RBFOX1: variants seen among roughly 807,000 people sequenced by gnomAD.
The protein encoded by RBFOX1 is RNA binding fox-1 homolog 1.
RBFOX1 carries 8 observed loss-of-function variants against 57.7 expected under a neutral mutation model. The ratio of observed to expected loss-of-function variants is 0.14; its 90% CI spans 0.08 to 0.25. The LOEUF (loss-of-function observed/expected upper bound fraction) is 0.25, where lower values mean the gene tolerates loss of function less well. Among genes scored for constraint, RBFOX1 ranks in the 10% least tolerant of loss-of-function variants. The pLI is 1.00. For missense variants in RBFOX1, 611 were observed against 548.5 expected, an observed-to-expected ratio of 1.11 and a Z score of -1.14; for synonymous variants, 326 against 222.4, an observed-to-expected ratio of 1.47 and a Z score of -4.15.
chr16:6,216,211 C>T (rs910916459), intron 1 of RBFOX1, among the ~76,000 whole-genome samples: 2 of 151,996 alleles, frequency 1.3e-5, no homozygotes, highest in Non-Finnish European at 2.9e-5. Context: ...CTGAAATAAT[C>T]TGAACAACAA....
At chr16:6,527,882 A>T (rs1475542700) in intron 2 of RBFOX1, among the ~76,000 whole-genome samples, 1 of 152,078 alleles carries the variant, frequency 6.6e-6, no homozygotes, top group African/African-American at 2.4e-5. Context: ...CAAAAGAGTG[A>T]CCACACCCCT....
rs373671634 is a variant in RBFOX1 at position 6,824,862 on chromosome 16, C to T, written c.-16+170212C>T. Among the ~76,000 whole-genome samples the T allele has an allele frequency of 6.6e-4, 100 of 150,962 alleles. 1 individual carries two copies. The highest frequency in any genetic ancestry group is 2.4e-3 in the African/African-American group (98 of 41,210). ...TTGGAAAGAAACACTATTAACATTT[C>T]AAAAGTGAAATAATTGAAAGTGGTA... On this transcript the variant is annotated intron_variant, in intron 3 of 15. Coordinates refer to ENST00000550418, the MANE Select transcript of RBFOX1 (RefSeq NM_018723.4).
intron 3 of RBFOX1, among the ~76,000 whole-genome samples, chr16:6,790,211 C>G (rs1261082755): frequency 1.5e-5 from 1 of 65,436 alleles, no homozygotes; most frequent in Admixed American, 1.6e-4. Flanking sequence ...TTATGACAGA[C>G]TCTCGCTCTG....
At chr16:7,687,237 G>C (rs1354068462) in intron 14 of RBFOX1, among the ~76,000 whole-genome samples, 1 of 152,058 alleles carries the variant, frequency 6.6e-6, no homozygotes, top group Non-Finnish European at 1.5e-5. Flanking sequence ...TAAAAAATAT[G>C]AATCTGAATG....
intron 2 of RBFOX1, among the ~76,000 whole-genome samples, chr16:6,456,086 C>G (rs2094764654): frequency 1.3e-5 from 2 of 152,134 alleles, no homozygotes; most frequent in Non-Finnish European, 2.9e-5. Flanking sequence ...AGCTATATTG[C>G]TTTCTTCTTT....
intron 3 of RBFOX1, among the ~76,000 whole-genome samples, chr16:6,887,295 G>T (rs1338189152): frequency 6.6e-6 from 1 of 152,154 alleles, no homozygotes; most frequent in Non-Finnish European, 1.5e-5. Flanking sequence ...AAGTGTGGTG[G>T]GGTTATAAAG....
chr16:7,030,466 G>C (rs2042499440), intron 3 of RBFOX1, among the ~76,000 whole-genome samples: 1 of 152,182 alleles, frequency 6.6e-6, no homozygotes, highest in African/African-American at 2.4e-5. Context: ...AAGGCTCTAG[G>C]GTAGAATCCT....
chr16:7,534,633 C>T (rs2081041940), intron 5 of RBFOX1, among the ~76,000 whole-genome samples: 1 of 152,128 alleles, frequency 6.6e-6, no homozygotes, highest in South Asian at 2.1e-4. Flanking sequence ...AATCTTCAGA[C>T]AATTTTTTCA....
At chr16:7,468,167 G>T (rs1457768581) in intron 4 of RBFOX1, among the ~76,000 whole-genome samples, 1 of 152,158 alleles carries the variant, frequency 6.6e-6, no homozygotes, top group East Asian at 1.9e-4. Flanking sequence ...CCACAGTAAA[G>T]TTGCTTGGTA....
Position 7,150,051 on chromosome 16 carries a change from A to G in RBFOX1, c.27+97953A>G, listed in dbSNP as rs545320896. Among the ~76,000 whole-genome samples, 13 of 152,204 alleles carry G rather than the reference A, an allele frequency of 8.5e-5. No homozygotes were observed. The East Asian group carries it at 1.7e-3, about 20-fold the overall frequency. ...GAGATTACAACTCTTAGGGGAAGCT[A>G]TCTGTGAACCTCCTGCCCCAGCCAG... On this transcript the variant is annotated intron_variant, in intron 4 of 15. Transcript: ENST00000550418.
intron 4 of RBFOX1, among the ~76,000 whole-genome samples, chr16:7,148,009 A>G (rs1237680851): frequency 6.6e-6 from 1 of 152,200 alleles, no homozygotes; most frequent in East Asian, 1.9e-4. Flanking sequence ...TACAAAGGTA[A>G]GAGCTGCCAC....
At chr16:5,440,437 C>A (rs1257318221) in intron 1 of RBFOX1, among the ~76,000 whole-genome samples, 1 of 152,084 alleles carries the variant, frequency 6.6e-6, no homozygotes, top group Non-Finnish European at 1.5e-5. Context: ...AAAAAATTTC[C>A]ACGGTGTTGT....
At chr16:6,862,156 G>C (rs1176801291) in intron 3 of RBFOX1, among the ~76,000 whole-genome samples, 2 of 152,140 alleles carry the variant, frequency 1.3e-5, no homozygotes, top group South Asian at 2.1e-4. Flanking sequence ...TTTTCATTTA[G>C]ATTGTGAAGG....
At chr16:6,835,277 G>T (rs12927782) in intron 3 of RBFOX1, among the ~76,000 whole-genome samples, 2 of 151,960 alleles carry the variant, frequency 1.3e-5, no homozygotes, top group Non-Finnish European at 2.9e-5. Context: ...CTGCTATGCG[G>T]GTTCCCTTTC....
intron 2 of RBFOX1, among the ~76,000 whole-genome samples, chr16:6,448,449 G>A (rs967102679): frequency 4.6e-5 from 7 of 152,038 alleles, no homozygotes; most frequent in African/African-American, 7.2e-5. Flanking sequence ...GAGCCACTGC[G>A]CCCAACCAGG....
chr16:6,945,994 T>C (rs916235448), intron 3 of RBFOX1, among the ~76,000 whole-genome samples: 2 of 152,190 alleles, frequency 1.3e-5, no homozygotes, highest in African/African-American at 4.8e-5. Context: ...TGGCCTGAGG[T>C]CTTTCTGGAG....
In RBFOX1 at chr16:6,533,637, G is replaced by A. The variant is rs146835581; in HGVS notation, c.-63-120966G>A. On this transcript the variant is annotated intron_variant, in intron 2 of 15. Coordinates refer to ENST00000550418, the MANE Select transcript of RBFOX1 (RefSeq NM_018723.4). ...AGTGCAATTTGAGGAGGAAAAGCAA[G>A]TCTTTTCAACAAATAATCCTGGACC... Among the ~76,000 whole-genome samples the A allele has an allele frequency of 4.1e-3, 621 of 152,160 alleles. 1 individual carries two copies. The highest frequency in any genetic ancestry group is 0.014 in the African/African-American group (595 of 41,520).
intron 1 of RBFOX1, among the ~76,000 whole-genome samples, chr16:5,448,723 C>A (rs996528112): frequency 1.3e-5 from 2 of 152,182 alleles, no homozygotes; most frequent in East Asian, 3.9e-4. Context: ...GACTAACTTG[C>A]TGGTAATAAA....
intron 3 of RBFOX1, among the ~76,000 whole-genome samples, chr16:6,824,981 TGG>T (rs1450496533): frequency 1.5e-5 from 2 of 132,928 alleles, no homozygotes; most frequent in Non-Finnish European, 3.2e-5. Flanking sequence ...CTTTCTTTCT[TGG>T]TTTTTTTTTT....
Sources: gnomAD v4.1 joint callset for allele counts (sites outside exome capture counted in the v4.1 genomes callset) on GRCh38, gnomAD v4.1.1 for gene constraint, MANE v1.5 for transcripts, NCBI Gene and HGNC (gene_info 2026-07-23, HGNC 2026-07-21) for gene names.